The following C2orf42 variants were observed in gnomAD, a reference collection of about 807,000 sequenced individuals.
The protein encoded by C2orf42 is uncharacterized protein C2orf42.
Under a neutral mutation model 58.9 loss-of-function variants are expected in C2orf42, and 44 were observed. The observed-to-expected ratio is 0.75, with a 90% CI of 0.59 to 0.96. C2orf42 has a LOEUF of 0.96. Ranked by LOEUF, C2orf42 falls within the 40% of genes least tolerant of loss-of-function variation. C2orf42 has a pLI of 0.00. For synonymous variants in C2orf42, 239 were observed against 265.4 expected (o/e 0.90, Z 0.97); for missense variants, 630 against 699.2 (o/e 0.90, Z 1.12).
chr2:70,178,643 C>T (rs372748972), intron 4 of C2orf42, among the ~76,000 whole-genome samples: 13 of 146,746 alleles, frequency 8.9e-5, no homozygotes, highest in African/African-American at 3.0e-4. Context: ...CTGGGTGCAG[C>T]GGCTCACGCC....
chr2:70,160,892 G>T, intron 8 of C2orf42, 105 bp from the exon 9 acceptor site: 2 of 717,512 alleles, frequency 2.8e-6, no homozygotes, highest in Non-Finnish European at 4.4e-6. Context: ...TTCTTGTTAA[G>T]TATATTCAAA....
intron 8 of C2orf42, among the ~76,000 whole-genome samples, chr2:70,162,017 T>G (rs1349378093): frequency 6.6e-6 from 1 of 151,714 alleles, no homozygotes; most frequent in Non-Finnish European, 1.5e-5. Context: ...TTTTCTTTTT[T>G]TCTTTTTTTT....
chr2:70,168,094 C>G (rs894290546), intron 6 of C2orf42, among the ~76,000 whole-genome samples: 2 of 151,240 alleles, frequency 1.3e-5, no homozygotes, highest in South Asian at 2.1e-4. Context: ...ATTGGCCAGG[C>G]ATGGTGGTGC....
intron 1 of C2orf42, among the ~76,000 whole-genome samples, chr2:70,185,325 T>C (rs1674858415): frequency 2.0e-5 from 3 of 151,734 alleles, no homozygotes; most frequent in South Asian, 2.1e-4. Flanking sequence ...GGGGAATCAC[T>C]TGAACCTGGG....
chr2:70,175,609 T>G (rs1415247149), intron 5 of C2orf42, 64 bp downstream of exon 5: 1 of 943,822 alleles, frequency 1.1e-6, no homozygotes, highest in African/African-American at 1.6e-5. Flanking sequence ...ATGATTATAC[T>G]GCTTCTGGCT....
At chr2:70,155,744 G>A (rs1672625779) in intron 9 of C2orf42, among the ~76,000 whole-genome samples, 2 of 151,388 alleles carry the variant, frequency 1.3e-5, no homozygotes, top group South Asian at 4.2e-4. Context: ...AGGTTGCAGT[G>A]AGCCGAGATT....
chr2:70,173,802 G>GT lies in C2orf42; in HGVS notation c.1039+1870dup, dbSNP rs200662663. 7.5e-3 allele frequency among the ~76,000 whole-genome samples: 1,129 copies of GT among 150,376 alleles called. 16 individuals carry two copies. The highest frequency in any genetic ancestry group is 0.026 in the African/African-American group (1,069 of 40,948). The stretch of plus-strand genomic sequence containing the variant: ...CAGCTAATTTTTTTTTGTTTTTTGT[G>GT]TTTTTTTTGGTAGAGATGGAGTCTC... On this transcript the variant is annotated intron_variant, in intron 5 of 9. Transcript: ENST00000264434.
chr2:70,150,303 A>C lies in C2orf42; in HGVS notation c.*53T>G, dbSNP rs1312893985. 15 of 1,496,324 alleles carry C rather than the reference A, an allele frequency of 1.0e-5. No homozygotes were observed. The highest frequency in any genetic ancestry group is 1.3e-5 in the Non-Finnish European group (14 of 1,080,306). 92.7% of individuals were successfully genotyped at this position (1,496,324 alleles called of 1,614,324 possible). ...TGCCTAACTAGCATTTAAAGTTGTC[A>C]AGGGGTGGGGATGTGCAAATTAAGC... On this transcript the variant is annotated 3_prime_UTR_variant, in exon 10 of 10. Transcript: ENST00000264434.
At chr2:70,188,433 G>T (rs1558694856) in intron 1 of C2orf42, among the ~76,000 whole-genome samples, 1 of 151,996 alleles carries the variant, frequency 6.6e-6, no homozygotes, top group Non-Finnish European at 1.5e-5. Flanking sequence ...CAAGTGATCT[G>T]CCTGTCTCGG....
chr2:70,159,326 A>G (rs1562295), intron 9 of C2orf42, among the ~76,000 whole-genome samples: 29,823 of 151,918 alleles, frequency 0.2, 4,108 homozygotes, highest in African/African-American at 0.39. Context: ...GGTGGCTCAC[A>G]CCTGTAGTCC....
intron 4 of C2orf42, among the ~76,000 whole-genome samples, chr2:70,177,042 C>T (rs529821821): frequency 7.9e-5 from 12 of 152,130 alleles, no homozygotes; most frequent in Admixed American, 3.3e-4. Flanking sequence ...GAGGCCGAGA[C>T]GGGTGGATCA....
At chr2:70,154,091 A>G (rs1672492907) in intron 9 of C2orf42, among the ~76,000 whole-genome samples, 1 of 151,632 alleles carries the variant, frequency 6.6e-6, no homozygotes, top group South Asian at 2.1e-4. Context: ...AAACACAGAA[A>G]TTTCAGGGAA....
intron 8 of C2orf42, among the ~76,000 whole-genome samples, chr2:70,164,093 C>T (rs1400820253): frequency 6.6e-6 from 1 of 150,580 alleles, no homozygotes; most frequent in Admixed American, 6.7e-5. Context: ...AGACAGATTG[C>T]TCGAGTCCAG....
intron 6 of C2orf42, 74 bp from the exon 7 acceptor site, chr2:70,165,709 G>A: frequency 1.2e-6 from 1 of 812,994 alleles, no homozygotes; most frequent in South Asian, 1.4e-5. Context: ...AGAGGTGAAA[G>A]AAAAGGAATC....
chr2:70,150,755 G>A (rs1186393518), intron 9 of C2orf42, among the ~76,000 whole-genome samples, 191 bp from the exon 10 acceptor site: 1 of 151,622 alleles, frequency 6.6e-6, no homozygotes, highest in African/African-American at 2.4e-5. Flanking sequence ...GGGTTATTTT[G>A]TTTTTTTTGA....
At position 70,174,763 on chromosome 2, in the gene C2orf42, C is replaced by T. The variant is rs375960431; in HGVS notation, c.1039+910G>A. ...TTGGCTCACTGCAACCTCTGCCTCC[C>T]GGGTTCAAGTGATTCTCCTGCCTCA... On this transcript the variant is annotated intron_variant, in intron 5 of 9. Transcript: ENST00000264434. Among the ~76,000 whole-genome samples the T allele has an allele frequency of 7.6e-4, 116 of 151,796 alleles. 2 individuals are homozygous for T. Among genetic ancestry groups the T allele is most frequent in the African/African-American group, 2.4e-3 (100 of 41,378 alleles).
intron 8 of C2orf42, among the ~76,000 whole-genome samples, chr2:70,162,579 GGCTGCAGTGA>G (rs1162537142): frequency 6.6e-6 from 1 of 151,834 alleles, no homozygotes; most frequent in African/African-American, 2.4e-5. Flanking sequence ...GGGAGGCAGA[GGCTGCAGTGA>G]GCCAAGATTG....
chr2:70,150,109 TC>T lies in C2orf42; in HGVS notation c.*246del. On this transcript the variant is annotated 3_prime_UTR_variant, in exon 10 of 10. Coordinates refer to ENST00000264434, the MANE Select transcript of C2orf42 (RefSeq NM_017880.3). ...GAAAATAAGCTGGTTTTCTTTCTGTTCCTTTTAAAACTCTAGCCAGAAATAC... is the reference window on the plus strand; with the variant it reads ...GAAAATAAGCTGGTTTTCTTTCTGTTCTTTTAAAACTCTAGCCAGAAATAC... The T allele has an allele frequency of 3.7e-6, 2 of 534,042 alleles. No homozygotes were observed. The highest frequency in any genetic ancestry group is 6.7e-6 in the Non-Finnish European group (2 of 298,636). 33.1% of individuals were successfully genotyped at this position (534,042 alleles called of 1,614,324 possible).
chr2:70,157,943 A>G (rs1025315433), intron 9 of C2orf42, among the ~76,000 whole-genome samples: 3 of 151,254 alleles, frequency 2.0e-5, no homozygotes, highest in Non-Finnish European at 4.4e-5. Flanking sequence ...GCTCACGTCT[A>G]TAATCCCAGC....
Sources: gnomAD v4.1 joint callset for allele counts (sites outside exome capture counted in the v4.1 genomes callset) on GRCh38, gnomAD v4.1.1 for gene constraint, MANE v1.5 for transcripts, NCBI Gene and HGNC (gene_info 2026-07-23, HGNC 2026-07-21) for gene names.